ST14: variants seen among roughly 807,000 people sequenced by gnomAD.
ST14 encodes the protein suppressor of tumorigenicity 14 protein.
In ST14, 40 loss-of-function variants were observed where a neutral mutation model predicts 96.5. The observed-to-expected ratio is 0.41, with a 90% CI of 0.32 to 0.54. ST14 has a LOEUF of 0.54. Among genes scored for constraint, ST14 ranks in the 20% least tolerant of loss-of-function variants. The probability of loss-of-function intolerance (pLI) is 0.17; values close to 1 mark genes in which losing one functional copy is unlikely to be tolerated. For missense variants in ST14, 1,066 were observed against 1,188.9 expected, an observed-to-expected ratio of 0.90 and a Z score of 1.52; for synonymous variants, 506 against 492.1, an observed-to-expected ratio of 1.03 and a Z score of -0.37.
At chr11:130,164,684 G>T (rs999302817) in intron 1 of ST14, among the ~76,000 whole-genome samples, 4 of 151,188 alleles carry the variant, frequency 2.6e-5, no homozygotes, top group African/African-American at 9.8e-5. Flanking sequence ...CTCCAAAAGT[G>T]CTGGGACTAC....
chr11:130,196,798 A>G, intron 11 of ST14, 98 bp downstream of exon 11: 2 of 1,562,702 alleles, frequency 1.3e-6, no homozygotes, highest in Non-Finnish European at 1.8e-6. Context: ...TGATTCTAAA[A>G]TGCTGGAGAA....
At chr11:130,208,286 A>G (rs1255085150) in intron 16 of ST14, 124 bp from the exon 17 acceptor site, 21 of 1,384,502 alleles carry the variant, frequency 1.5e-5, no homozygotes, top group Non-Finnish European at 1.7e-5. Context: ...AGCCGGCCCC[A>G]TCGTCTTCTC....
intron 16 of ST14, among the ~76,000 whole-genome samples, chr11:130,208,073 C>CAATA (rs35033213): frequency 0.019 from 2,819 of 151,802 alleles, 30 homozygotes; most frequent in Non-Finnish European, 0.029. Context: ...GACTCAGTCT[C>CAATA]AATAAATAAA....
rs199767874 is a variant in ST14, at chr11:130,197,894, C to T, written c.1408C>T (p.Arg470Cys). The T allele has an allele frequency of 5.3e-5, 85 of 1,597,836 alleles. No homozygotes were observed. In the Admixed American group the frequency reaches 1.0e-3, roughly 19 times the overall value. ...GGGGCGGTGTATCCGGAAGGAGCTG[C>T]GCTGTGATGGCTGGGCCGACTGCAC... is the stretch of plus-strand genomic sequence containing the variant. ...RTGRCIRKEL[R>C]CDGWADCTDH... is the part of the protein sequence containing the mutation. Residue 470 changes from arginine (R) to cysteine (C), a missense_variant, in exon 12 of 19, where the codon CGC (arginine) becomes TGC (cysteine). Physicochemically the swap from Arg to Cys is radical, Grantham distance 180. Coordinates refer to ENST00000278742, the MANE Select transcript of ST14 (RefSeq NM_021978.4).
intron 16 of ST14, among the ~76,000 whole-genome samples, chr11:130,207,196 A>C (rs971596940): frequency 2.0e-5 from 3 of 152,184 alleles, no homozygotes; most frequent in African/African-American, 7.2e-5. Flanking sequence ...ATAGAGAAGG[A>C]TATTTAGACA....
At chr11:130,206,816 C>T (rs901165081) in intron 16 of ST14, among the ~76,000 whole-genome samples, 1 of 152,178 alleles carries the variant, frequency 6.6e-6, no homozygotes, top group Non-Finnish European at 1.5e-5. Flanking sequence ...GATCCACCCA[C>T]CTCGGCCTCC....
Position 130,188,168 on chromosome 11 carries a change from A to C in ST14, c.136A>C (p.Lys46Gln). 1.2e-6 allele frequency: 2 copies of C among 1,614,136 alleles called. No individual in the cohort carries two copies. The highest frequency in any genetic ancestry group is 1.7e-6 in the Non-Finnish European group (2 of 1,180,016). The stretch of plus-strand genomic sequence containing the variant: ...GTTCCTGCCAGTCAACAACGTCAAG[A>C]AGGTGGAAAAGCATGGCCCGGGGCG... The part of the protein sequence containing the change: ...VEFLPVNNVK[K>Q]VEKHGPGRWV... The change falls in exon 2 of 19, where the codon AAG becomes CAG. Residue 46 changes from lysine to glutamine, a missense_variant. By Grantham distance (53) the Lys-to-Gln change is moderately conservative (BLOSUM62 1). Coordinates refer to ENST00000278742, the MANE Select transcript of ST14 (RefSeq NM_021978.4). This position sits in a 1 kb window ranked among gnomAD's most constrained non-coding sequence, Gnocchi z 5.4.
rs73034638 is a variant in ST14 at position 130,181,773 on chromosome 11, G to T, written c.82-6341G>T. 6.6e-6 allele frequency among the ~76,000 whole-genome samples: 1 copy of T among 152,142 alleles called. No individual in the cohort carries two copies. The highest frequency in any genetic ancestry group is 1.9e-4 in the East Asian group (1 of 5,194). Reference sequence around the variant, plus strand: ...CTTATCAATAAAACGATGGGATTATGCAACAGTATCTCTGTTACACCTGAA... The same window carrying T: ...CTTATCAATAAAACGATGGGATTATTCAACAGTATCTCTGTTACACCTGAA... On this transcript the variant is annotated intron_variant, in intron 1 of 18. Coordinates refer to ENST00000278742, the MANE Select transcript of ST14 (RefSeq NM_021978.4). This position sits in a 1 kb window ranked among gnomAD's most constrained non-coding sequence, Gnocchi z 4.1.
rs749077731 is a variant in ST14 at position 130,209,558 on chromosome 11, G to C, written c.2386G>C (p.Gly796Arg). ...CATGATGTGCGTGGGCTTCCTCAGCGGCGGCGTGGACTCCTGCCAGGTGGC... is the reference window on the plus strand; with the variant it reads ...CATGATGTGCGTGGGCTTCCTCAGCCGCGGCGTGGACTCCTGCCAGGTGGC... ...PRMMCVGFLS[G>R]GVDSCQGDSG... Residue 796 changes from glycine to arginine, a missense_variant, in exon 18 of 19, where the codon GGC becomes CGC. Gly to Arg is a moderately radical substitution (Grantham distance 125). Transcript: ENST00000278742. 2.5e-6 allele frequency: 4 copies of C among 1,574,438 alleles called. No homozygotes were observed. In the Admixed American group the frequency reaches 7.6e-5, roughly 30 times the overall value.
chr11:130,162,254 C>T (rs945309600), intron 1 of ST14, among the ~76,000 whole-genome samples: 5 of 152,190 alleles, frequency 3.3e-5, no homozygotes, highest in African/African-American at 1.2e-4. Context: ...TTCTGCGTGG[C>T]CTTCAGAGTC....
chr11:130,169,789 A>C (rs1055964364), intron 1 of ST14, among the ~76,000 whole-genome samples: 2 of 152,248 alleles, frequency 1.3e-5, no homozygotes, highest in African/African-American at 4.8e-5. Context: ...TGAAAGGCAC[A>C]CTAGCTCGTG....
chr11:130,189,132 T>C (rs943494141), intron 4 of ST14, among the ~76,000 whole-genome samples, 193 bp downstream of exon 4: 1 of 152,204 alleles, frequency 6.6e-6, no homozygotes, highest in Non-Finnish European at 1.5e-5. Flanking sequence ...CAAAGGTGCC[T>C]GTAGCTGTTG....
intron 1 of ST14, among the ~76,000 whole-genome samples, chr11:130,182,145 C>T (rs1297268650): frequency 6.6e-6 from 1 of 152,208 alleles, no homozygotes; most frequent in Non-Finnish European, 1.5e-5. Flanking sequence ...AGCATTCTTC[C>T]CTGCCTTCTT....
At position 130,198,959 on chromosome 11, in the gene ST14, C is replaced by T; in HGVS notation, c.1697C>T (p.Thr566Ile). Residue 566 changes from threonine to isoleucine, a missense_variant, in exon 15 of 19, where the codon ACT becomes ATT. Physicochemically the swap from Thr to Ile is moderately conservative, Grantham distance 89. Transcript: ENST00000278742. ...CCTCCTTGAACAGTGAACGTCGTCA[C>T]TTGTACCAAACACACCTACCGCTGC... ...EASCPKVNVV[T>I]CTKHTYRCLN... 1 of 1,614,140 alleles carries T rather than the reference C, an allele frequency of 6.2e-7. No homozygotes were observed. Among genetic ancestry groups the T allele is most frequent in the Non-Finnish European group, 8.5e-7 (1 of 1,179,994 alleles).
rs1261353193 is a variant in ST14, at chr11:130,196,899, C to A, written c.1354+199C>A. 5.3e-6 allele frequency: 4 copies of A among 749,094 alleles called. No individual in the cohort carries two copies. In the African/African-American group the frequency reaches 6.9e-5, roughly 13 times the overall value. The allele number at this position is 749,094 out of a possible 1,614,324, so 46.4% of individuals were successfully genotyped here. On this transcript the variant is annotated intron_variant, in intron 11 of 18. Coordinates refer to ENST00000278742, the MANE Select transcript of ST14 (RefSeq NM_021978.4). ...AAAGCAGGCTGGCTGTGAGCGCTGG[C>A]ACACACTGTGTCCTTCTGGGTTGCA...
chr11:130,189,839 C>T lies in ST14; in HGVS notation c.541C>T (p.Leu181=), dbSNP rs776358334. The change falls in exon 5 of 19, where the codon CTG becomes TTG. Residue 181 remains leucine, a synonymous_variant. Transcript: ENST00000278742. ...RVMAEERVVM[L]PPRARSLKSF... ...CATGGCCGAGGAGCGCGTAGTCATG[C>T]TGCCCCCGCGGGCGCGCTCCCTGAA... 1 of 1,613,916 alleles carries T rather than the reference C, an allele frequency of 6.2e-7. No homozygotes were observed. Among genetic ancestry groups the T allele is most frequent in the Admixed American group, 1.7e-5 (1 of 60,034 alleles).
At chr11:130,192,662 G>T (rs1953316064) in intron 7 of ST14, among the ~76,000 whole-genome samples, 3 of 152,208 alleles carry the variant, frequency 2.0e-5, no homozygotes, top group African/African-American at 7.2e-5. Flanking sequence ...AAAGTACTGG[G>T]ATTACAGGCG....
chr11:130,188,045 T>C lies in ST14; in HGVS notation c.82-69T>C, dbSNP rs1286758296. On this transcript the variant is annotated intron_variant, in intron 1 of 18. Transcript: ENST00000278742. The surrounding 1 kb of genome is among the most constrained non-coding windows in gnomAD (Gnocchi z 5.4). ...AGCTGGACCTCACAAAATGTGAACA[T>C]CTTCCCCAGCGGGGTGCAGGGGAAG... is the stretch of plus-strand genomic sequence containing the variant. 4.4e-6 allele frequency: 7 copies of C among 1,589,894 alleles called. No individual in the cohort carries two copies. The highest frequency in any genetic ancestry group is 6.0e-6 in the Non-Finnish European group (7 of 1,167,914).
At chr11:130,160,179 A>G (rs955087073) in intron 1 of ST14, 119 bp downstream of exon 1, 1 of 664,076 alleles carries the variant, frequency 1.5e-6, no homozygotes. Flanking sequence ...CTCTGGGCGC[A>G]CAGGTGGAAT....
Sources: allele counts gnomAD v4.1 joint callset (sites outside exome capture counted in the v4.1 genomes callset), GRCh38; gene constraint gnomAD v4.1.1; non-coding constraint Gnocchi (gnomAD v3.1); transcripts MANE v1.5; gene names NCBI Gene and HGNC (gene_info 2026-07-23, HGNC 2026-07-21).